The following ZCWPW2 variants were observed in gnomAD, a reference collection of about 807,000 sequenced individuals.
The protein encoded by ZCWPW2 is zinc finger CW-type and PWWP domain containing 2, also known as zinc finger CW-type PWWP domain protein 2.
ZCWPW2 carries 45 observed loss-of-function variants against 46.6 expected under a neutral mutation model. The ratio of observed to expected loss-of-function variants is 0.96; its 90% CI spans 0.76 to 1.24. ZCWPW2 has a LOEUF of 1.24. ZCWPW2 is among the 50% of genes most tolerant of loss of function. ZCWPW2 has a pLI of 0.00. For missense variants in ZCWPW2, 429 were observed against 403.9 expected (o/e 1.06, Z -0.53); for synonymous variants, 152 against 137.1 (o/e 1.11, Z -0.76).
At chr3:28,516,727 C>G (rs551161987) in intron 8 of ZCWPW2, among the ~76,000 whole-genome samples, 7 of 152,092 alleles carry the variant, frequency 4.6e-5, no homozygotes, top group Non-Finnish European at 1.0e-4. Flanking sequence ...GAAAGGAAAG[C>G]CAGGTGCAGT....
chr3:28,517,332 C>T (rs937066905), intron 8 of ZCWPW2, among the ~76,000 whole-genome samples: 2 of 152,146 alleles, frequency 1.3e-5, no homozygotes, highest in Non-Finnish European at 2.9e-5. Context: ...TTAATTGGCT[C>T]ACAGTTTTGC....
At chr3:28,360,944 T>C (rs995968646) in intron 1 of ZCWPW2, among the ~76,000 whole-genome samples, 1 of 152,208 alleles carries the variant, frequency 6.6e-6, no homozygotes, top group African/African-American at 2.4e-5. Flanking sequence ...AGGAAAGTTA[T>C]TTATGTTTCA....
chr3:28,492,031 A>T (rs1699828646), intron 5 of ZCWPW2, 96 bp from the exon 6 acceptor site: 4 of 1,227,882 alleles, frequency 3.3e-6, no homozygotes, highest in Non-Finnish European at 4.6e-6. Flanking sequence ...TACAATAGTA[A>T]TGAGAAAGTA....
chr3:28,517,332 C>G (rs937066905), intron 8 of ZCWPW2, among the ~76,000 whole-genome samples: 1 of 152,146 alleles, frequency 6.6e-6, no homozygotes, highest in East Asian at 1.9e-4. Context: ...TTAATTGGCT[C>G]ACAGTTTTGC....
rs187211826 is a variant in ZCWPW2 at position 28,440,975 on chromosome 3, C to A, written c.492+5706C>A. 5.2e-4 allele frequency among the ~76,000 whole-genome samples: 79 copies of A among 152,296 alleles called. 2 individuals carry two copies. The highest frequency in any genetic ancestry group is 1.4e-3 in the African/African-American group (60 of 41,566). On this transcript the variant is annotated intron_variant, in intron 4 of 9. Transcript: ENST00000383768. The stretch of plus-strand genomic sequence containing the variant: ...ACTCAGTGTTGGTCTCTGCTGCTGG[C>A]AAATTGGGCACTCAGCAGTGGCTGT...
At chr3:28,442,906 A>T (rs148958038) in intron 4 of ZCWPW2, among the ~76,000 whole-genome samples, 11 of 152,040 alleles carry the variant, frequency 7.2e-5, no homozygotes, top group Admixed American at 7.2e-4. Context: ...ATTGTTTTTC[A>T]TTTACTATTT....
intron 7 of ZCWPW2, among the ~76,000 whole-genome samples, chr3:28,514,473 G>C (rs772513709): frequency 4.6e-5 from 7 of 152,170 alleles, no homozygotes; most frequent in Non-Finnish European, 8.8e-5. Flanking sequence ...GGTGGAAACT[G>C]ACATAGTGAG....
chr3:28,404,642 T>C (rs1696084064), intron 2 of ZCWPW2, among the ~76,000 whole-genome samples: 1 of 152,006 alleles, frequency 6.6e-6, no homozygotes, highest in African/African-American at 2.4e-5. Flanking sequence ...CATCAATCAA[T>C]GAGTGGATAA....
chr3:28,380,960 A>ACAGAAAAG (rs1451901801), intron 1 of ZCWPW2, among the ~76,000 whole-genome samples: 14 of 44,418 alleles, frequency 3.2e-4, no homozygotes, highest in Non-Finnish European at 4.4e-4. Flanking sequence ...ATATATATAT[A>ACAGAAAAG]TATATATATA....
At chr3:28,515,707 A>G in intron 8 of ZCWPW2, 86 bp downstream of exon 8, 1 of 1,237,884 alleles carries the variant, frequency 8.1e-7, no homozygotes, top group Non-Finnish European at 1.1e-6. Flanking sequence ...AGGAAAAAAA[A>G]AGATTTCCTG....
chr3:28,505,606 T>G (rs892605092), intron 6 of ZCWPW2, among the ~76,000 whole-genome samples: 3 of 152,138 alleles, frequency 2.0e-5, no homozygotes, highest in Admixed American at 6.6e-5. Flanking sequence ...GTGCTACATG[T>G]AACTAGTTTT....
intron 6 of ZCWPW2, among the ~76,000 whole-genome samples, chr3:28,503,796 C>T (rs1392190957): frequency 2.6e-5 from 4 of 152,094 alleles, no homozygotes; most frequent in Middle Eastern, 3.4e-3. Context: ...TGTTAAATGA[C>T]ACAGACCTAT....
At chr3:28,440,465 G>A (rs146498491) in intron 4 of ZCWPW2, among the ~76,000 whole-genome samples, 206 of 152,290 alleles carry the variant, frequency 1.4e-3, no homozygotes, top group African/African-American at 4.5e-3. Context: ...TCCTGGACCT[G>A]TGAATCCTGG....
At chr3:28,430,728 C>T (rs554912551) in intron 3 of ZCWPW2, among the ~76,000 whole-genome samples, 22 of 152,190 alleles carry the variant, frequency 1.4e-4, no homozygotes, top group African/African-American at 5.3e-4. Flanking sequence ...GGCAGTTCCC[C>T]TATGCTCTTC....
At chr3:28,410,149 G>A (rs1192948836) in intron 2 of ZCWPW2, among the ~76,000 whole-genome samples, 1 of 152,018 alleles carries the variant, frequency 6.6e-6, no homozygotes, top group Non-Finnish European at 1.5e-5. Context: ...TACATAAGAT[G>A]AGGAAGAATT....
chr3:28,439,731 A>G (rs11716132), intron 4 of ZCWPW2, among the ~76,000 whole-genome samples: 33,409 of 152,182 alleles, frequency 0.22, 3,969 homozygotes, highest in Admixed American at 0.28. Context: ...AACAATACCT[A>G]AATGCTGATA....
intron 5 of ZCWPW2, among the ~76,000 whole-genome samples, chr3:28,485,085 T>A (rs1480959877): frequency 1.3e-5 from 2 of 152,046 alleles, no homozygotes; most frequent in Admixed American, 1.3e-4. Context: ...CCATGATTGA[T>A]AAGTTGCACT....
chr3:28,354,224 C>T (rs1365684310), intron 1 of ZCWPW2, among the ~76,000 whole-genome samples: 1 of 151,998 alleles, frequency 6.6e-6, no homozygotes, highest in Non-Finnish European at 1.5e-5. Context: ...ATATTATAAA[C>T]ACCTTTAGGC....
At chr3:28,485,138 G>GT (rs563714823) in intron 5 of ZCWPW2, among the ~76,000 whole-genome samples, 2,076 of 143,166 alleles carry the variant, frequency 0.015, 18 homozygotes, top group Non-Finnish European at 0.018. Context: ...TTTTTCTTGA[G>GT]TTTTTTTTTT....
Sources: allele counts gnomAD v4.1 joint callset (sites outside exome capture counted in the v4.1 genomes callset), GRCh38; gene constraint gnomAD v4.1.1; transcripts MANE v1.5; gene names NCBI Gene and HGNC (gene_info 2026-07-23, HGNC 2026-07-21).